Variants in GRIK4 observed in about 807,000 individuals in gnomAD.
GRIK4 encodes glutamate receptor ionotropic, kainate 4.
In GRIK4, 40 loss-of-function variants were observed where a neutral mutation model predicts 104.9. That is an observed-to-expected ratio of 0.38 (90% CI 0.30 to 0.50). The LOEUF (loss-of-function observed/expected upper bound fraction) is 0.50, where lower values mean the gene tolerates loss of function less well. Ranked by LOEUF, GRIK4 falls within the 20% of genes least tolerant of loss-of-function variation. GRIK4 has a pLI of 0.93. For synonymous variants in GRIK4, 485 were observed against 524.9 expected (o/e 0.92, Z 1.04); for missense variants, 1,047 against 1,308.1 (o/e 0.80, Z 3.08).
chr11:120,889,989 A>G (rs972924566), intron 11 of GRIK4, among the ~76,000 whole-genome samples: 1 of 152,114 alleles, frequency 6.6e-6, no homozygotes, highest in African/African-American at 2.4e-5. Context: ...AGGGAAGGGG[A>G]GCTATTTTTA....
chr11:120,734,148 G>T (rs1951185368), intron 3 of GRIK4, among the ~76,000 whole-genome samples: 2 of 152,160 alleles, frequency 1.3e-5, no homozygotes, highest in African/African-American at 4.8e-5. Context: ...ACCTTCAGAT[G>T]ATTTCTTATT....
chr11:120,915,780 T>C (rs1028445840), intron 13 of GRIK4, among the ~76,000 whole-genome samples: 2 of 151,126 alleles, frequency 1.3e-5, no homozygotes, highest in Non-Finnish European at 3.0e-5. Flanking sequence ...CCAGACACCA[T>C]GTAGAAGCTC....
intron 1 of GRIK4, among the ~76,000 whole-genome samples, chr11:120,629,935 T>C (rs889320030): frequency 6.6e-6 from 1 of 152,154 alleles, no homozygotes; most frequent in Non-Finnish European, 1.5e-5. Flanking sequence ...CCAGTTTCAT[T>C]GCACTGGCAG....
At chr11:120,668,281 G>A (rs1949956104) in intron 3 of GRIK4, among the ~76,000 whole-genome samples, 1 of 140,858 alleles carries the variant, frequency 7.1e-6, no homozygotes, top group African/African-American at 2.6e-5. Flanking sequence ...AGAAAAAAGA[G>A]AGAAAGAGAG....
intron 1 of GRIK4, among the ~76,000 whole-genome samples, chr11:120,522,300 T>C (rs752617321): frequency 6.6e-6 from 1 of 152,178 alleles, no homozygotes; most frequent in Non-Finnish European, 1.5e-5. Context: ...CTGAGCCAAA[T>C]TGATTTCCCA....
chr11:120,835,534 A>AGAACAAAC (rs1555075334), intron 7 of GRIK4, among the ~76,000 whole-genome samples: 1 of 151,260 alleles, frequency 6.6e-6, no homozygotes, highest in Non-Finnish European at 1.5e-5. Flanking sequence ...ACTCAAAGAA[A>AGAACAAAC]AAACAAACAA....
At chr11:120,791,772 A>G (rs1952399621) in intron 3 of GRIK4, among the ~76,000 whole-genome samples, 1 of 152,116 alleles carries the variant, frequency 6.6e-6, no homozygotes, top group Non-Finnish European at 1.5e-5. Flanking sequence ...ATATGGCATG[A>G]GTAAGGATTG....
At chr11:120,692,756 A>G (rs777182760) in intron 3 of GRIK4, among the ~76,000 whole-genome samples, 25 of 152,134 alleles carry the variant, frequency 1.6e-4, no homozygotes, top group Non-Finnish European at 3.5e-4. Flanking sequence ...TCTGAGACTC[A>G]GTCTCGCTCT....
chr11:120,709,801 A>G (rs1207231758), intron 3 of GRIK4, among the ~76,000 whole-genome samples: 2 of 152,194 alleles, frequency 1.3e-5, no homozygotes, highest in African/African-American at 4.8e-5. Context: ...TCTGAACTAA[A>G]AAATCAGAGT....
At chr11:120,707,611 A>G (rs1950652990) in intron 3 of GRIK4, among the ~76,000 whole-genome samples, 1 of 152,214 alleles carries the variant, frequency 6.6e-6, no homozygotes. Context: ...ACACAGCAAC[A>G]ATCATTGATT....
At chr11:120,848,897 G>A (rs1388092853) in intron 8 of GRIK4, among the ~76,000 whole-genome samples, 1 of 152,126 alleles carries the variant, frequency 6.6e-6, no homozygotes, top group Non-Finnish European at 1.5e-5. Flanking sequence ...GGGACAGGGG[G>A]TGTGAGAACA....
chr11:120,626,013 G>T (rs1254655417), intron 1 of GRIK4, among the ~76,000 whole-genome samples: 3 of 152,172 alleles, frequency 2.0e-5, no homozygotes, highest in Non-Finnish European at 2.9e-5. Flanking sequence ...CATCAAGGAG[G>T]ATGAAATTAA....
chr11:120,741,524 C>T (rs550856345), intron 3 of GRIK4, among the ~76,000 whole-genome samples: 16 of 152,004 alleles, frequency 1.1e-4, no homozygotes, highest in South Asian at 2.1e-4. Context: ...GTGATCCGCC[C>T]GCCTCAGCCT....
At chr11:120,717,760 T>C (rs1950860664) in intron 3 of GRIK4, among the ~76,000 whole-genome samples, 1 of 152,114 alleles carries the variant, frequency 6.6e-6, no homozygotes, top group African/African-American at 2.4e-5. Flanking sequence ...TGTGGGATTC[T>C]GATCAGGGAA....
Position 120,973,626 on chromosome 11 carries a change from G to A in GRIK4, c.2395+6303G>A, listed in dbSNP as rs1591349735. The stretch of plus-strand genomic sequence containing the variant: ...TCTGAAAGCCAGGACTTCAGCTACT[G>A]TCCCAGCCATAGCTGCTAGTGCCAG... On this transcript the variant is annotated intron_variant, in intron 19 of 20. Transcript: ENST00000527524. 3.9e-5 allele frequency among the ~76,000 whole-genome samples: 6 copies of A among 152,330 alleles called. No individual in the cohort carries two copies. The South Asian group carries it at 1.2e-3, about 32-fold the overall frequency.
chr11:120,592,798 G>T (rs758715209), intron 1 of GRIK4, among the ~76,000 whole-genome samples: 2 of 152,112 alleles, frequency 1.3e-5, no homozygotes, highest in Admixed American at 6.5e-5. Flanking sequence ...CTGGCCGTCC[G>T]CATGTCTGCC....
Position 120,819,660 on chromosome 11 carries a change from A to G in GRIK4, c.346-95A>G. On this transcript the variant is annotated intron_variant, in intron 5 of 20. Coordinates refer to ENST00000527524, the MANE Select transcript of GRIK4 (RefSeq NM_014619.5). The surrounding 1 kb of genome is among the most constrained non-coding windows in gnomAD (Gnocchi z 4.3). The stretch of plus-strand genomic sequence containing the variant: ...GTCTGGCGAAGGTGTTACATAAAAG[A>G]ACTCACCCTCCACAACCTCAGCTCA... 1.7e-6 allele frequency: 2 copies of G among 1,166,918 alleles called. No homozygotes were observed. The highest frequency in any genetic ancestry group is 2.5e-6 in the Non-Finnish European group (2 of 787,936). 72.3% of individuals were successfully genotyped at this position (1,166,918 alleles called of 1,614,324 possible).
intron 2 of GRIK4, among the ~76,000 whole-genome samples, chr11:120,658,984 G>A (rs933759691): frequency 3.3e-5 from 5 of 151,964 alleles, no homozygotes; most frequent in Non-Finnish European, 5.9e-5. Flanking sequence ...TTCTGACTTC[G>A]TGATCCACCT....
chr11:120,760,494 C>T (rs183636714), intron 3 of GRIK4, among the ~76,000 whole-genome samples: 4 of 151,150 alleles, frequency 2.6e-5, no homozygotes, highest in Admixed American at 1.3e-4. Context: ...ATGTGCAGAA[C>T]GTGCAGGTTT....
Sources: gnomAD v4.1 joint callset for allele counts (sites outside exome capture counted in the v4.1 genomes callset) on GRCh38, gnomAD v4.1.1 for gene constraint, Gnocchi (gnomAD v3.1) non-coding constraint, MANE v1.5 for transcripts, NCBI Gene and HGNC (gene_info 2026-07-23, HGNC 2026-07-21) for gene names.